Variants in AHCY observed in about 807,000 individuals in gnomAD.
The protein encoded by AHCY is adenosylhomocysteinase.
Under a neutral mutation model 45.4 loss-of-function variants are expected in AHCY, and 24 were observed. That is an observed-to-expected ratio of 0.53 (90% CI 0.38 to 0.74). The LOEUF (loss-of-function observed/expected upper bound fraction) is 0.74, where lower values mean the gene tolerates loss of function less well. Ranked by LOEUF, AHCY falls within the 30% of genes least tolerant of loss-of-function variation. The pLI is 0.00. For synonymous variants in AHCY, 245 were observed against 235.1 expected (o/e 1.04, Z -0.39); for missense variants, 449 against 594.1 (o/e 0.76, Z 2.54).
At chr20:34,304,330 CA>C (rs1408542900), upstream of AHCY, among the ~76,000 whole-genome samples, 3 of 152,184 alleles carry the variant, frequency 2.0e-5, no homozygotes, top group Admixed American at 6.6e-5. Context: ...CTGTGGACTC[CA>C]AAACCCTTCT....
chr20:34,246,603 C>T, the AHCY span: 1 of 660,444 alleles, frequency 1.5e-6, no homozygotes, highest in Non-Finnish European at 2.7e-6. Context: ...ACCACAGGCA[C>T]ATGCCACCAT....
the AHCY span, among the ~76,000 whole-genome samples, chr20:34,258,153 A>G: frequency 5.3e-5 from 8 of 151,824 alleles, no homozygotes; most frequent in African/African-American, 1.2e-4. Flanking sequence ...TAAAAAAAAA[A>G]AGAGAGAAAG....
intron 1 of AHCY, chr20:34,301,794 A>G: frequency 1.0e-6 from 1 of 985,168 alleles, no homozygotes; most frequent in Non-Finnish European, 1.2e-6. Context: ...CACAATGGAG[A>G]CAGTCTACTC....
intron 8 of AHCY, among the ~76,000 whole-genome samples, chr20:34,288,799 G>A (rs554809139): frequency 3.0e-4 from 45 of 152,130 alleles, no homozygotes; most frequent in Non-Finnish European, 5.6e-4. Flanking sequence ...AAGCCAAAAT[G>A]TCTTCCAGAA....
chr20:34,264,789 ATTTTTTTTTTT>A, the AHCY span, among the ~76,000 whole-genome samples: 1 of 104,220 alleles, frequency 9.6e-6, no homozygotes, highest in Admixed American at 1.2e-4. Context: ...AGTTTACTTC[ATTTTTTTTTTT>A]TTTTTTTTTT....
the AHCY span, among the ~76,000 whole-genome samples, chr20:34,251,768 A>T: frequency 6.6e-6 from 1 of 152,174 alleles, no homozygotes; most frequent in East Asian, 1.9e-4. Flanking sequence ...GCCCTCATGA[A>T]TGAGACTAGT....
Position 34,285,479 on chromosome 20 carries a change from T to C in AHCY, c.1128A>G (p.Pro376=). 6.2e-7 allele frequency: 1 copy of C among 1,614,054 alleles called. No individual in the cohort carries two copies. The highest frequency in any genetic ancestry group is 1.7e-5 in the Admixed American group (1 of 60,016). Residue 376 remains proline, a synonymous_variant, in exon 9 of 10, where the codon CCA becomes CCG. Transcript: ENST00000217426. ...AATGAACCCCAACGGGGTACTTGTC[T>C]GGATGGGTCCACAGCTCGATCTGCG... ...VMAQIELWTH[P]DKYPVGVHFL... is the part of the protein sequence containing the mutation.
chr20:34,296,861 T>G (rs562158254), intron 1 of AHCY, among the ~76,000 whole-genome samples: 2 of 152,146 alleles, frequency 1.3e-5, no homozygotes, highest in African/African-American at 4.8e-5. Flanking sequence ...ATCAATAAAA[T>G]TGTCTGTCAG....
chr20:34,311,766 C>T (rs1311690445), exon 1 of AHCY: 1 of 152,558 alleles, frequency 6.6e-6, no homozygotes. Flanking sequence ...CGCTAGGGGT[C>T]TCTCCTTTCC....
At chr20:34,248,963 CAA>C in the AHCY span, among the ~76,000 whole-genome samples, 8 of 129,262 alleles carry the variant, frequency 6.2e-5, no homozygotes, top group Admixed American at 1.6e-4. Flanking sequence ...ACCAAAAATA[CAA>C]AAAAAAAAAA....
the AHCY span, chr20:34,260,387 C>T: frequency 1.3e-5 from 21 of 1,613,500 alleles, no homozygotes; most frequent in African/African-American, 6.7e-5. Context: ...GGATGTCACC[C>T]GCTTACTCCT....
chr20:34,276,850 C>A (rs907245906), downstream of AHCY, among the ~76,000 whole-genome samples: 7 of 152,172 alleles, frequency 4.6e-5, no homozygotes. Flanking sequence ...GCCCGGACCA[C>A]TGCACACCCC....
At chr20:34,246,117 CTTT>C in the AHCY span, 3 of 909,014 alleles carry the variant, frequency 3.3e-6, no homozygotes, top group Non-Finnish European at 5.3e-6. Context: ...CTTTGTGCTT[CTTT>C]AAGATCAATT....
chr20:34,305,812 G>A (rs531381705), upstream of AHCY, among the ~76,000 whole-genome samples: 1 of 152,290 alleles, frequency 6.6e-6, no homozygotes, highest in Admixed American at 6.5e-5. Flanking sequence ...ACCAGGCGCA[G>A]TGACTCACAC....
the AHCY span, among the ~76,000 whole-genome samples, chr20:34,253,541 C>A: frequency 4.6e-5 from 7 of 151,830 alleles, no homozygotes; most frequent in Non-Finnish European, 1.0e-4. Flanking sequence ...GGCACAATCT[C>A]AGCTCACTGC....
At chr20:34,305,710 T>G (rs760153583), upstream of AHCY, among the ~76,000 whole-genome samples, 1 of 152,170 alleles carries the variant, frequency 6.6e-6, no homozygotes, top group Admixed American at 6.5e-5. Context: ...CTCTTTCTGG[T>G]ATGAATGCTG....
chr20:34,268,634 G>A, the AHCY span, among the ~76,000 whole-genome samples: 4 of 151,974 alleles, frequency 2.6e-5, no homozygotes, highest in Admixed American at 1.3e-4. Flanking sequence ...TACTTGGGAG[G>A]TTGAAGTGGC....
the AHCY span, among the ~76,000 whole-genome samples, chr20:34,246,986 T>TTTTTTTGTTTTTTGTTTTTTGTTTTTTTG: frequency 6.6e-6 from 1 of 151,588 alleles, no homozygotes; most frequent in Non-Finnish European, 1.5e-5. Context: ...TTGGTTTTTG[T>TTTTTTTGTTTTTTGTTTTTTGTTTTTTTG]TTTTTTGTTT....
chr20:34,240,656 C>T, the AHCY span, among the ~76,000 whole-genome samples: 2 of 152,178 alleles, frequency 1.3e-5, no homozygotes, highest in African/African-American at 2.4e-5. Context: ...CCTTAACTCA[C>T]CCGGAATTTC....
Sources: gnomAD v4.1 joint callset for allele counts (sites outside exome capture counted in the v4.1 genomes callset) on GRCh38, gnomAD v4.1.1 for gene constraint, MANE v1.5 for transcripts, NCBI Gene and HGNC (gene_info 2026-07-23, HGNC 2026-07-21) for gene names.